The following PER2 variants were observed in gnomAD, a reference collection of about 807,000 sequenced individuals.
PER2 encodes period circadian regulator 2.
PER2 carries 66 observed loss-of-function variants against 121.0 expected under a neutral mutation model. That is an observed-to-expected ratio of 0.55 (90% CI 0.45 to 0.67). The LOEUF is 0.67. PER2 is among the 30% of genes least tolerant of loss of function. PER2 has a pLI of 0.00. For missense variants in PER2, 1,521 were observed against 1,635.0 expected (o/e 0.93, Z 1.20); for synonymous variants, 684 against 659.9 (o/e 1.04, Z -0.56).
chr2:238,272,880 G>C (rs1696332678), intron 5 of PER2, among the ~76,000 whole-genome samples, 190 bp downstream of exon 5: 1 of 152,190 alleles, frequency 6.6e-6, no homozygotes, highest in Non-Finnish European at 1.5e-5. Context: ...CTCACAGAAG[G>C]CAGAAGTCCA....
At chr2:238,257,200 A>G in intron 16 of PER2, 114 bp from the exon 17 acceptor site, 1 of 793,676 alleles carries the variant, frequency 1.3e-6, no homozygotes, top group East Asian at 2.7e-5. Context: ...CACACAACCC[A>G]TCCCATCCCA....
intron 13 of PER2, among the ~76,000 whole-genome samples, chr2:238,260,259 ATTTT>A (rs374038428): frequency 6.9e-6 from 1 of 144,040 alleles, no homozygotes; most frequent in South Asian, 2.2e-4. Flanking sequence ...GGCACATTAC[ATTTT>A]TTTTTTTTTT....
At chr2:238,250,489 G>A in intron 21 of PER2, 62 bp downstream of exon 21, 1 of 1,214,756 alleles carries the variant, frequency 8.2e-7, no homozygotes, top group Non-Finnish European at 1.2e-6. Flanking sequence ...TGACCTTGTT[G>A]TTTCTGGGAG....
Position 238,262,246 on chromosome 2 carries a change from T to C in PER2, c.1252A>G (p.Ile418Val), listed in dbSNP as rs1350018864. 1.2e-6 allele frequency: 2 copies of C among 1,614,100 alleles called. No homozygotes were observed. Among genetic ancestry groups the C allele is most frequent in the East Asian group, 4.5e-5 (2 of 44,866 alleles). The change falls in exon 11 of 23, where the codon ATC (isoleucine) becomes GTC (valine). Residue 418 changes from isoleucine (I) to valine (V), a missense_variant. Physicochemically the swap from Ile to Val is conservative, Grantham distance 29. Transcript: ENST00000254657. ...GAGATTTTCCTGCTCCATGGGTTGA[T>C]GAAGCTGGACCAGCTGGTGTCCAAC... ...ITLDTSWSSF[I>V]NPWSRKISFI...
chr2:238,294,102 C>G (rs1697005834), upstream of PER2, among the ~76,000 whole-genome samples: 1 of 152,198 alleles, frequency 6.6e-6, no homozygotes, highest in Non-Finnish European at 1.5e-5. Context: ...CAAGGTGATC[C>G]TCCACGTCCG....
In PER2 at chr2:238,252,112, G is replaced by C. The variant is rs1695621839; in HGVS notation, c.3112-351C>G. 6.6e-6 allele frequency among the ~76,000 whole-genome samples: 1 copy of C among 152,206 alleles called. No homozygotes were observed. Among genetic ancestry groups the C allele is most frequent in the South Asian group, 2.1e-4 (1 of 4,834 alleles). On this transcript the variant is annotated intron_variant, in intron 19 of 22. Coordinates refer to ENST00000254657, the MANE Select transcript of PER2 (RefSeq NM_022817.3). This position sits in a 1 kb window ranked among gnomAD's most constrained non-coding sequence, Gnocchi z 4.2. ...ATGGATGGGGAAAACGCCTCTCACAGCACCCGGTGTGGGGGCTGCCTTGGG... is the reference window on the plus strand; with the variant it reads ...ATGGATGGGGAAAACGCCTCTCACACCACCCGGTGTGGGGGCTGCCTTGGG...
chr2:238,263,101 G>C, intron 9 of PER2, 43 bp from the exon 10 acceptor site: 1 of 1,138,716 alleles, frequency 8.8e-7, no homozygotes, highest in South Asian at 1.2e-5. Context: ...CATCCAAACA[G>C]ATGAGGAGAT....
At position 238,278,078 on chromosome 2, in the gene PER2, T is replaced by TTCTCTG. The variant is rs113248896; in HGVS notation, c.-19-124_-19-123insCAGAGA. 152 of 935,082 alleles carry TTCTCTG rather than the reference T, an allele frequency of 1.6e-4. 2 individuals are homozygous for TTCTCTG. In the Middle Eastern group the frequency reaches 7.2e-3, roughly 44 times the overall value. 57.9% of individuals were successfully genotyped at this position (935,082 alleles called of 1,614,324 possible). On this transcript the variant is annotated intron_variant, in intron 1 of 22. Coordinates refer to ENST00000254657, the MANE Select transcript of PER2 (RefSeq NM_022817.3). ...AATGAAACTGCAGTCTCTTTCTTTCTTCTCTCTGTCTCTCTCTCTCTCTCT... is the reference window on the plus strand; with the variant it reads ...AATGAAACTGCAGTCTCTTTCTTTCTTCTCTGTCTCTCTGTCTCTCTCTCTCTCTCT...
intron 13 of PER2, among the ~76,000 whole-genome samples, chr2:238,260,299 C>T (rs139838350): frequency 2.0e-5 from 3 of 151,934 alleles, no homozygotes; most frequent in African/African-American, 7.2e-5. Flanking sequence ...CTCTGTCACC[C>T]AGGCTGGAGT....
Position 238,258,572 on chromosome 2 carries a change from A to T in PER2, c.1700T>A (p.Phe567Tyr). Residue 567 changes from phenylalanine to tyrosine, a missense_variant, in exon 15 of 23, where the codon TTC (phenylalanine) becomes TAC (tyrosine). Coordinates refer to ENST00000254657, the MANE Select transcript of PER2 (RefSeq NM_022817.3). ...AMEKDSLGVS[F>Y]PEELACKNQP... ...GTTCTTGCAGGCCAACTCCTCGGGGAAGCTGACCCCCAGGCTGTCCTTTTC... is the reference window on the plus strand; with the variant it reads ...GTTCTTGCAGGCCAACTCCTCGGGGTAGCTGACCCCCAGGCTGTCCTTTTC... 6.2e-7 allele frequency: 1 copy of T among 1,613,940 alleles called. No homozygotes were observed. Among genetic ancestry groups the T allele is most frequent in the Non-Finnish European group, 8.5e-7 (1 of 1,179,906 alleles).
Position 238,258,465 on chromosome 2 carries a change from T to C in PER2, c.1775+32A>G, listed in dbSNP as rs770442079. On this transcript the variant is annotated intron_variant, in intron 15 of 22. Transcript: ENST00000254657. ...ATGAGAGGAGGGAAGGTGTGTGAGA[T>C]GGTGGAGACTCGGCTGGAAATGCCG... 6 of 1,614,110 alleles carry C rather than the reference T, an allele frequency of 3.7e-6. No individual in the cohort carries two copies. In the Admixed American group the frequency reaches 6.7e-5, roughly 18 times the overall value.
At chr2:238,293,430 T>A (rs1275325443), upstream of PER2, among the ~76,000 whole-genome samples, 1 of 152,142 alleles carries the variant, frequency 6.6e-6, no homozygotes, top group Admixed American at 6.5e-5. Context: ...TCATGTCACT[T>A]GAGAAAGGAT....
rs557310421 is a variant in PER2 at position 238,245,407 on chromosome 2, C to T, written c.*968G>A. On this transcript the variant is annotated 3_prime_UTR_variant, in exon 23 of 23. Transcript: ENST00000254657. ...GCACCCCTGAAAATACAGATGCAGT[C>T]GCAAGCTGTCAGACTGAGTGGCAGT... 26 of 395,346 alleles carry T rather than the reference C, an allele frequency of 6.6e-5. No individual in the cohort carries two copies. In the Admixed American group the frequency reaches 8.0e-4, roughly 12 times the overall value. The allele number at this position is 395,346 out of a possible 1,614,324, so 24.5% of individuals were successfully genotyped here.
chr2:238,281,957 G>A (rs934176504), intron 1 of PER2, among the ~76,000 whole-genome samples: 14 of 152,186 alleles, frequency 9.2e-5, no homozygotes, highest in African/African-American at 2.7e-4. Flanking sequence ...TCCTGTCCAC[G>A]ATCATCCTGG....
intron 12 of PER2, 60 bp from the exon 13 acceptor site, chr2:238,261,013 C>A: frequency 1.3e-6 from 2 of 1,583,708 alleles, no homozygotes; most frequent in Non-Finnish European, 1.7e-6. Context: ...ATGCATGTGG[C>A]CCCCTGCCAA....
rs1696174392 is a variant in PER2, at chr2:238,268,288, G to A, written c.825-90C>T. 2 of 1,352,874 alleles carry A rather than the reference G, an allele frequency of 1.5e-6. No individual in the cohort carries two copies. Among genetic ancestry groups the A allele is most frequent in the Non-Finnish European group, 2.1e-6 (2 of 964,242 alleles). The allele number at this position is 1,352,874 out of a possible 1,614,324, so 83.8% of individuals were successfully genotyped here. A position where few individuals can be genotyped will look rare whatever the true frequency, so the allele number is the denominator to read the frequency against. On this transcript the variant is annotated intron_variant, in intron 7 of 22. Coordinates refer to ENST00000254657, the MANE Select transcript of PER2 (RefSeq NM_022817.3). The surrounding 1 kb of genome is among the most constrained non-coding windows in gnomAD (Gnocchi z 4.0). ...CCTCCTCACCTGGGCCCCATGCCAT[G>A]CTGCAGGTGATGTGTACCTCTGCTC...
chr2:238,288,568 G>C lies in PER2; in HGVS notation c.-239C>G, dbSNP rs1341994527. The C allele has an allele frequency of 6.6e-6, 1 of 151,478 alleles. No homozygotes were observed. The highest frequency in any genetic ancestry group is 1.9e-4 in the East Asian group (1 of 5,146). 9.4% of individuals were successfully genotyped at this position (151,478 alleles called of 1,614,324 possible). ...GCCTCCGCTGCCCGAGCCGGCGCTG[G>C]GACCCCGACCTGCCCGAGGCCCGCG... On this transcript the variant is annotated 5_prime_UTR_variant, in exon 1 of 23. Coordinates refer to ENST00000254657, the MANE Select transcript of PER2 (RefSeq NM_022817.3).
chr2:238,260,778 G>A, intron 13 of PER2, 50 bp downstream of exon 13: 1 of 1,609,698 alleles, frequency 6.2e-7, no homozygotes, highest in African/African-American at 1.3e-5. Context: ...TTTAACTCTG[G>A]AGGGACATCC....
At chr2:238,294,408 C>G (rs1019826690), upstream of PER2, among the ~76,000 whole-genome samples, 95 of 152,312 alleles carry the variant, frequency 6.2e-4, no homozygotes, top group African/African-American at 2.0e-3. Context: ...ATTAGGGTCC[C>G]TGATCCTGGG....
Sources: gnomAD v4.1 joint callset for allele counts (sites outside exome capture counted in the v4.1 genomes callset) on GRCh38, gnomAD v4.1.1 for gene constraint, Gnocchi (gnomAD v3.1) non-coding constraint, MANE v1.5 for transcripts, NCBI Gene and HGNC (gene_info 2026-07-23, HGNC 2026-07-21) for gene names.